The following SLC17A1 variants were observed in gnomAD, a reference collection of about 807,000 sequenced individuals.
The protein encoded by SLC17A1 is sodium-dependent phosphate transport protein 1.
In SLC17A1, 51 loss-of-function variants were observed where a neutral mutation model predicts 53.5. The observed-to-expected ratio is 0.95, with a 90% CI of 0.76 to 1.20. The LOEUF is 1.20. SLC17A1 is among the 50% of genes most tolerant of loss of function. SLC17A1 has a pLI of 0.00. For missense variants in SLC17A1, 538 were observed against 568.2 expected (o/e 0.95, Z 0.54); for synonymous variants, 179 against 198.8 (o/e 0.90, Z 0.84).
intron 6 of SLC17A1, among the ~76,000 whole-genome samples, chr6:25,817,794 A>G (rs974243837): frequency 6.6e-6 from 1 of 152,218 alleles, no homozygotes; most frequent in Admixed American, 6.5e-5. Context: ...TTTTATTTAT[A>G]TAAAGTCCTA....
In SLC17A1 at chr6:25,807,452, G is replaced by A. The variant is rs140882654; in HGVS notation, c.1178+3946C>T. 7.7e-3 allele frequency among the ~76,000 whole-genome samples: 1,165 copies of A among 152,030 alleles called. 5 individuals carry two copies. Among genetic ancestry groups the A allele is most frequent in the Middle Eastern group, 0.024 (7 of 294 alleles). On this transcript the variant is annotated intron_variant, in intron 10 of 12. Transcript: ENST00000244527. ...ACTCAGGAATGGAAAACCAAATGCC[G>A]TATGTTTTTTAAAATTATTATTTCA...
At chr6:25,830,957 A>G in intron 1 of SLC17A1, among the ~76,000 whole-genome samples, 1 of 152,216 alleles carries the variant, frequency 6.6e-6, no homozygotes, top group Non-Finnish European at 1.5e-5. Context: ...TTTCAGGCAG[A>G]AGGAGATTGC....
chr6:25,762,113 T>A, the SLC17A1 span: 1 of 1,454,104 alleles, frequency 6.9e-7, no homozygotes, highest in African/African-American at 1.4e-5. Context: ...CACTGTAACT[T>A]GTGGTACTAA....
intron 3 of SLC17A1, among the ~76,000 whole-genome samples, chr6:25,824,437 A>G (rs1764669767): frequency 6.6e-6 from 1 of 151,882 alleles, no homozygotes; most frequent in South Asian, 2.1e-4. Context: ...AGAATAAATG[A>G]AAGTGGAAAA....
At chr6:25,784,128 AC>A (rs1392252296) in intron 12 of SLC17A1, among the ~76,000 whole-genome samples, 1 of 152,190 alleles carries the variant, frequency 6.6e-6, no homozygotes, top group Non-Finnish European at 1.5e-5. Context: ...TGGCGTCCAT[AC>A]AAATAGACAT....
chr6:25,786,568 T>C (rs1763388434), intron 12 of SLC17A1, among the ~76,000 whole-genome samples: 1 of 151,898 alleles, frequency 6.6e-6, no homozygotes, highest in Admixed American at 6.6e-5. Context: ...GGGAGATTTG[T>C]GTGGAGTGGA....
chr6:25,803,612 G>C (rs1394835473), intron 10 of SLC17A1, among the ~76,000 whole-genome samples: 1 of 151,904 alleles, frequency 6.6e-6, no homozygotes, highest in Admixed American at 6.6e-5. Context: ...AAACAGGTCT[G>C]GATTAAAATC....
At chr6:25,804,129 A>C (rs1013336613) in intron 10 of SLC17A1, among the ~76,000 whole-genome samples, 2 of 152,142 alleles carry the variant, frequency 1.3e-5, no homozygotes, top group Non-Finnish European at 2.9e-5. Flanking sequence ...ACTTATATAG[A>C]TATTTCTTCA....
the SLC17A1 span, among the ~76,000 whole-genome samples, chr6:25,762,374 G>T: frequency 1.3e-5 from 2 of 152,174 alleles, no homozygotes; most frequent in Non-Finnish European, 2.9e-5. Flanking sequence ...TCCAAGACAT[G>T]TCCTATTAGA....
chr6:25,731,910 T>C, the SLC17A1 span: 1 of 1,602,498 alleles, frequency 6.2e-7, no homozygotes, highest in Admixed American at 1.7e-5. Flanking sequence ...CGAGCGCTTG[T>C]CATAATGCGC....
At chr6:25,764,333 C>T in the SLC17A1 span, among the ~76,000 whole-genome samples, 1 of 152,176 alleles carries the variant, frequency 6.6e-6, no homozygotes, top group Non-Finnish European at 1.5e-5. Context: ...TATCCTTTCT[C>T]CATATCAAAT....
At chr6:25,806,123 C>T (rs966367999) in intron 10 of SLC17A1, among the ~76,000 whole-genome samples, 6 of 151,990 alleles carry the variant, frequency 3.9e-5, no homozygotes, top group Non-Finnish European at 4.4e-5. Context: ...ATGAAAAATC[C>T]TCCACAAAAT....
the SLC17A1 span, among the ~76,000 whole-genome samples, chr6:25,763,608 ACACT>A: frequency 2.0e-5 from 3 of 152,272 alleles, no homozygotes; most frequent in East Asian, 5.8e-4. Flanking sequence ...TGTTTCTAAG[ACACT>A]CAGTGAGCTG....
chr6:25,768,623 C>A, the SLC17A1 span, among the ~76,000 whole-genome samples: 1 of 152,262 alleles, frequency 6.6e-6, no homozygotes, highest in South Asian at 2.1e-4. Flanking sequence ...CCAGCAGTTT[C>A]CTCTCTCTCA....
At chr6:25,815,911 C>CT (rs59495721) in intron 6 of SLC17A1, among the ~76,000 whole-genome samples, 182 of 134,398 alleles carry the variant, frequency 1.4e-3, no homozygotes, top group Admixed American at 2.3e-3. Flanking sequence ...AAAATGCTTA[C>CT]TTTTTTTTTT....
the SLC17A1 span, chr6:25,732,531 C>T: frequency 2.1e-6 from 1 of 486,178 alleles, no homozygotes; most frequent in Non-Finnish European, 3.8e-6. Flanking sequence ...TGTCAACGGG[C>T]TGCTCAGCAA....
At chr6:25,727,310 C>G in the SLC17A1 span, 2 of 1,560,346 alleles carry the variant, frequency 1.3e-6, no homozygotes, top group South Asian at 1.2e-5. Flanking sequence ...AAGTAAACGT[C>G]ATTTCTAACC....
At chr6:25,781,693 G>A (rs747213300), downstream of SLC17A1, among the ~76,000 whole-genome samples, 1 of 152,130 alleles carries the variant, frequency 6.6e-6, no homozygotes, top group African/African-American at 2.4e-5. Context: ...GAAGCTGGGA[G>A]GGGGAGAGGA....
chr6:25,738,948 G>T, the SLC17A1 span, among the ~76,000 whole-genome samples: 8 of 152,072 alleles, frequency 5.3e-5, no homozygotes, highest in African/African-American at 1.7e-4. Context: ...CTATAAAATG[G>T]TACAGATCAC....
Sources: gnomAD v4.1 joint callset for allele counts (sites outside exome capture counted in the v4.1 genomes callset) on GRCh38, gnomAD v4.1.1 for gene constraint, MANE v1.5 for transcripts, NCBI Gene and HGNC (gene_info 2026-07-23, HGNC 2026-07-21) for gene names.